Variants in HACE1 observed in about 807,000 individuals in gnomAD.
HACE1 encodes the protein HECT domain and ankyrin repeat containing E3 ubiquitin protein ligase 1.
Under a neutral mutation model 118.4 loss-of-function variants are expected in HACE1, and 73 were observed. The ratio of observed to expected loss-of-function variants is 0.62; its 90% CI spans 0.51 to 0.75. HACE1 has a LOEUF of 0.75. Ranked by LOEUF, HACE1 falls within the 30% of genes least tolerant of loss-of-function variation. The pLI is 0.00. For synonymous variants in HACE1, 368 were observed against 374.8 expected, an observed-to-expected ratio of 0.98 and a Z score of 0.21; for missense variants, 749 against 1,102.2, an observed-to-expected ratio of 0.68 and a Z score of 4.54.
intron 6 of HACE1, among the ~76,000 whole-genome samples, chr6:104,812,388 A>G (rs1474777623): frequency 2.0e-5 from 3 of 152,070 alleles, no homozygotes; most frequent in Non-Finnish European, 2.9e-5. Context: ...CAAGGCTACT[A>G]TGAATTATAT....
intron 14 of HACE1, among the ~76,000 whole-genome samples, chr6:104,783,331 C>CAT (rs1781943194): frequency 6.6e-6 from 1 of 152,180 alleles, no homozygotes; most frequent in East Asian, 1.9e-4. Context: ...CTATTTTATA[C>CAT]ATATGTTTAT....
chr6:104,776,874 T>C lies in HACE1; in HGVS notation c.1777-46A>G, dbSNP rs368152930. On this transcript the variant is annotated intron_variant, in intron 16 of 23. Coordinates refer to ENST00000262903, the MANE Select transcript of HACE1 (RefSeq NM_020771.4). ...TAAGCATCAACAGAAATATGTTATATTGGGAAATTTTTTTCTAAATAACAA... is the reference window on the plus strand; with the variant it reads ...TAAGCATCAACAGAAATATGTTATACTGGGAAATTTTTTTCTAAATAACAA... 13 of 1,433,868 alleles carry C rather than the reference T, an allele frequency of 9.1e-6. No homozygotes were observed. In the African/African-American group the frequency reaches 1.4e-4, roughly 16 times the overall value. The allele number at this position is 1,433,868 out of a possible 1,614,324, so 88.8% of individuals were successfully genotyped here. A position where few individuals can be genotyped will look rare whatever the true frequency, so the allele number is the denominator to read the frequency against.
intron 20 of HACE1, among the ~76,000 whole-genome samples, chr6:104,750,035 G>A: frequency 6.6e-6 from 1 of 152,052 alleles, no homozygotes; most frequent in East Asian, 1.9e-4. Context: ...AAATAATGTA[G>A]AATACTGTGT....
intron 14 of HACE1, chr6:104,782,574 G>A (rs1284335189): frequency 1.3e-5 from 2 of 152,052 alleles, no homozygotes; most frequent in East Asian, 3.9e-4. Context: ...GTAGCAGAAT[G>A]ACTTAAACAA....
At chr6:104,838,189 C>T (rs1025922088) in intron 5 of HACE1, among the ~76,000 whole-genome samples, 1 of 152,132 alleles carries the variant, frequency 6.6e-6, no homozygotes, top group African/African-American at 2.4e-5. Flanking sequence ...ACATTCTTCA[C>T]AGAAACAGAA....
chr6:104,760,537 A>C (rs950562943), intron 19 of HACE1, among the ~76,000 whole-genome samples: 3 of 152,222 alleles, frequency 2.0e-5, no homozygotes, highest in African/African-American at 7.2e-5. Flanking sequence ...AATTGATGGA[A>C]TGCATCTCAA....
chr6:104,836,478 C>T (rs1027448869), intron 5 of HACE1, among the ~76,000 whole-genome samples: 2 of 151,858 alleles, frequency 1.3e-5, no homozygotes, highest in African/African-American at 4.8e-5. Flanking sequence ...TTTGGGAGGC[C>T]GAGGCGGGTG....
At position 104,859,827 on chromosome 6, in the gene HACE1, A is replaced by T; in HGVS notation, c.-185T>A. On this transcript the variant is annotated 5_prime_UTR_variant, in exon 1 of 24. Transcript: ENST00000262903. ...CGTCCGGGGGCCGGGCTGCTGCCGG[A>T]CCGACCACCTACAGTACACCCGCCG... 1.8e-6 allele frequency: 1 copy of T among 557,986 alleles called. No homozygotes were observed. The highest frequency in any genetic ancestry group is 2.3e-5 in the South Asian group (1 of 44,424). 34.6% of individuals were successfully genotyped at this position (557,986 alleles called of 1,614,324 possible).
intron 20 of HACE1, among the ~76,000 whole-genome samples, chr6:104,749,975 G>C (rs533128634): frequency 2.6e-5 from 4 of 152,100 alleles, no homozygotes; most frequent in Non-Finnish European, 5.9e-5. Context: ...AGAAGTTTAA[G>C]AAGTTAGTAT....
intron 2 of HACE1, 90 bp downstream of exon 2, chr6:104,852,227 G>GTGTGTGTA: frequency 1.4e-6 from 1 of 716,992 alleles, no homozygotes; most frequent in Non-Finnish European, 2.5e-6. Flanking sequence ...GTGTGTGTGT[G>GTGTGTGTA]TGCGCGCGTG....
chr6:104,751,208 T>A (rs1313652769), intron 19 of HACE1, among the ~76,000 whole-genome samples: 1 of 152,214 alleles, frequency 6.6e-6, no homozygotes, highest in Non-Finnish European at 1.5e-5. Flanking sequence ...CATTAGAATG[T>A]AATCTCTCTG....
rs935002085 is a variant in HACE1, at chr6:104,842,468, T to C, written c.402+755A>G. 2.6e-5 allele frequency: 4 copies of C among 151,780 alleles called. No individual in the cohort carries two copies. In the East Asian group the frequency reaches 5.8e-4, roughly 22 times the overall value. The allele number at this position is 151,780 out of a possible 1,614,324, so 9.4% of individuals were successfully genotyped here. A position where few individuals can be genotyped will look rare whatever the true frequency, so the allele number is the denominator to read the frequency against. ...AAAATACAAAAGTTTTTTTTTTTTTTAACCGTGATTATCTCAGAGTGCAAG... is the reference window on the plus strand; with the variant it reads ...AAAATACAAAAGTTTTTTTTTTTTTCAACCGTGATTATCTCAGAGTGCAAG... On this transcript the variant is annotated intron_variant, in intron 5 of 23. Coordinates refer to ENST00000262903, the MANE Select transcript of HACE1 (RefSeq NM_020771.4).
chr6:104,771,230 G>A lies in HACE1; in HGVS notation c.2174C>T (p.Pro725Leu). The A allele has an allele frequency of 6.2e-7, 1 of 1,613,524 alleles. No homozygotes were observed. Among genetic ancestry groups the A allele is most frequent in the Non-Finnish European group, 8.5e-7 (1 of 1,179,542 alleles). Residue 725 changes from proline (P) to leucine (L), a missense_variant, in exon 19 of 24, where the codon CCT becomes CTT. By Grantham distance (98) the Pro-to-Leu change is moderately conservative (BLOSUM62 -3). This residue lies in a region of HACE1 where 165 missense variants were observed against 229.9 expected (regional missense o/e 0.72). Coordinates refer to ENST00000262903, the MANE Select transcript of HACE1 (RefSeq NM_020771.4). ...TGTCACAAGAATACTCCCACCCCCA[G>A]GTTTCAAAGGCACCTCTTCCATTGC... ...FGAMEEVPLK[P>L]GGGSILVTQN... is the part of the protein sequence containing the mutation.
intron 22 of HACE1, among the ~76,000 whole-genome samples, chr6:104,733,838 C>CA (rs10685648): frequency 3.7e-4 from 53 of 142,852 alleles, no homozygotes; most frequent in South Asian, 1.6e-3. Context: ...GACTTCATCT[C>CA]AAAAAAAAAA....
rs748219004 is a variant in HACE1 at position 104,744,496 on chromosome 6, T to G, written c.2442+16A>C. The stretch of plus-strand genomic sequence containing the variant: ...GGCAAAACTTAACTTCATTCTAAGC[T>G]CTAGAGAAATTTTACCTGAATAACT... On this transcript the variant is annotated intron_variant, in intron 21 of 23. Transcript: ENST00000262903. 16 of 1,344,606 alleles carry G rather than the reference T, an allele frequency of 1.2e-5. No homozygotes were observed. The South Asian group carries it at 1.9e-4, about 16-fold the overall frequency. The allele number at this position is 1,344,606 out of a possible 1,614,324, so 83.3% of individuals were successfully genotyped here. A position where few individuals can be genotyped will look rare whatever the true frequency, so the allele number is the denominator to read the frequency against.
chr6:104,796,530 G>C, intron 9 of HACE1, 125 bp downstream of exon 9: 1 of 697,568 alleles, frequency 1.4e-6, no homozygotes, highest in Non-Finnish European at 2.6e-6. Flanking sequence ...ATGCAGATAA[G>C]CTAATTATTA....
chr6:104,739,996 A>C (rs1776447153), intron 22 of HACE1, among the ~76,000 whole-genome samples: 2 of 152,012 alleles, frequency 1.3e-5, no homozygotes, highest in Admixed American at 6.6e-5. Context: ...TCAAACTAGA[A>C]CTCAGGATTA....
intron 19 of HACE1, among the ~76,000 whole-genome samples, chr6:104,757,037 C>A (rs1383229315): frequency 6.6e-6 from 1 of 152,142 alleles, no homozygotes; most frequent in East Asian, 1.9e-4. Flanking sequence ...GTTCTCTGCT[C>A]ACAGTATAAA....
intron 22 of HACE1, among the ~76,000 whole-genome samples, chr6:104,737,604 T>C (rs1452492321): frequency 1.3e-5 from 2 of 152,124 alleles, no homozygotes; most frequent in Admixed American, 1.3e-4. Flanking sequence ...CCCACCCGAA[T>C]ACTGCGCTTT....
Sources: gnomAD v4.1 joint callset for allele counts (sites outside exome capture counted in the v4.1 genomes callset) on GRCh38, gnomAD v4.1.1 for gene constraint, gnomAD v4.1.1 regional missense constraint, MANE v1.5 for transcripts, NCBI Gene and HGNC (gene_info 2026-07-23, HGNC 2026-07-21) for gene names.